Variants in EPB41L4A observed in about 807,000 individuals in gnomAD.
EPB41L4A encodes erythrocyte membrane protein band 4.1 like 4A, also known as band 4.1-like protein 4A.
In EPB41L4A, 100 loss-of-function variants were observed where a neutral mutation model predicts 108.6. The observed-to-expected ratio is 0.92, with a 90% CI of 0.78 to 1.09. The LOEUF is 1.09. Ranked by LOEUF, EPB41L4A falls within the 50% of genes least tolerant of loss-of-function variation. The probability of loss-of-function intolerance (pLI) is 0.00; values close to 1 mark genes in which losing one functional copy is unlikely to be tolerated. For synonymous variants in EPB41L4A, 319 were observed against 289.0 expected, an observed-to-expected ratio of 1.10 and a Z score of -1.05; for missense variants, 1,030 against 842.7, an observed-to-expected ratio of 1.22 and a Z score of -2.75.
intron 2 of EPB41L4A, among the ~76,000 whole-genome samples, chr5:112,292,409 A>G (rs138788059): frequency 1.3e-5 from 2 of 152,314 alleles, no homozygotes; most frequent in African/African-American, 4.8e-5. Context: ...GCTCCTACAG[A>G]TCATCAGCTT....
At chr5:112,148,612 A>G (rs953913794) in intron 12 of EPB41L4A, among the ~76,000 whole-genome samples, 2 of 152,128 alleles carry the variant, frequency 1.3e-5, no homozygotes, top group Non-Finnish European at 2.9e-5. Context: ...CTGTTACTTC[A>G]TCATTCATTG....
chr5:112,264,083 G>A (rs1035699142), intron 6 of EPB41L4A: 1 of 152,250 alleles, frequency 6.6e-6, no homozygotes, highest in Non-Finnish European at 1.5e-5. Context: ...AAAGTGCTGG[G>A]ATTGCAGGCG....
At chr5:112,162,080 A>T (rs1759943025), downstream of EPB41L4A, 1 of 152,266 alleles carries the variant, frequency 6.6e-6, no homozygotes, top group African/African-American at 2.4e-5. Context: ...CAGGCATATT[A>T]CCAAGTTCTT....
At chr5:112,413,990 G>T (rs1303561796) in intron 1 of EPB41L4A, among the ~76,000 whole-genome samples, 2 of 152,152 alleles carry the variant, frequency 1.3e-5, no homozygotes, top group Non-Finnish European at 2.9e-5. Flanking sequence ...TCATGTGCAA[G>T]ACAGCATGAA....
chr5:112,337,375 A>G (rs1756988017), intron 1 of EPB41L4A, among the ~76,000 whole-genome samples: 1 of 152,234 alleles, frequency 6.6e-6, no homozygotes, highest in African/African-American at 2.4e-5. Flanking sequence ...GGTATCTACC[A>G]TATATCAACC....
At chr5:112,305,864 G>T (rs1754650204) in intron 2 of EPB41L4A, among the ~76,000 whole-genome samples, 1 of 152,006 alleles carries the variant, frequency 6.6e-6, no homozygotes, top group African/African-American at 2.4e-5. Context: ...CCTAAAACCT[G>T]TATTATAAAC....
At chr5:112,287,017 G>A (rs1438099380) in intron 2 of EPB41L4A, among the ~76,000 whole-genome samples, 2 of 152,064 alleles carry the variant, frequency 1.3e-5, no homozygotes, top group East Asian at 1.9e-4. Context: ...TTCTCCTCCC[G>A]TCTCACTGGC....
chr5:112,141,982 A>G (rs533797381), downstream of EPB41L4A, among the ~76,000 whole-genome samples: 4 of 152,320 alleles, frequency 2.6e-5, no homozygotes, highest in African/African-American at 9.6e-5. Flanking sequence ...CAGACTTCCA[A>G]GTGAGACATG....
chr5:112,147,750 C>T (rs982058172), intron 12 of EPB41L4A, among the ~76,000 whole-genome samples: 3 of 151,730 alleles, frequency 2.0e-5, no homozygotes, highest in Non-Finnish European at 4.4e-5. Context: ...AAAGACAAGG[C>T]CTTTCCAAAT....
At chr5:112,395,164 C>T (rs185920211) in intron 1 of EPB41L4A, among the ~76,000 whole-genome samples, 28 of 152,272 alleles carry the variant, frequency 1.8e-4, no homozygotes, top group Admixed American at 7.8e-4. Flanking sequence ...CTAGGCAATA[C>T]CATTCAGGAC....
At chr5:112,186,080 A>C (rs1761413678) in intron 17 of EPB41L4A, among the ~76,000 whole-genome samples, 1 of 152,178 alleles carries the variant, frequency 6.6e-6, no homozygotes, top group South Asian at 2.1e-4. Flanking sequence ...AGGATTGGAC[A>C]CAAAACTCAG....
rs192579799 is a variant in EPB41L4A at position 112,382,722 on chromosome 5, G to A, written c.99+36219C>T. 3.4e-4 allele frequency among the ~76,000 whole-genome samples: 52 copies of A among 152,252 alleles called. 1 individual carries two copies. The highest frequency in any genetic ancestry group is 2.9e-5 in the Non-Finnish European group (2 of 68,016). ...AGTCCCAGTAACAGGACTGCAGAAG[G>A]GGAATTAGGGAGCAGCTAAAAGATA... On this transcript the variant is annotated intron_variant, in intron 1 of 22. Transcript: ENST00000261486.
upstream of EPB41L4A, chr5:112,419,626 A>C: frequency 2.2e-6 from 1 of 455,742 alleles, no homozygotes. Context: ...CTTTTGTGTG[A>C]GGAGCACCCA....
intron 14 of EPB41L4A, 30 bp from the exon 15 acceptor site, chr5:112,204,518 G>T: frequency 6.9e-7 from 1 of 1,451,650 alleles, no homozygotes; most frequent in Non-Finnish European, 9.7e-7. Context: ...GTCAAAAAGA[G>T]CCCAGAGAGT....
intron 2 of EPB41L4A, among the ~76,000 whole-genome samples, chr5:112,302,303 T>G (rs1255486357): frequency 6.6e-6 from 1 of 152,072 alleles, no homozygotes; most frequent in Admixed American, 6.6e-5. Context: ...CTCAGGAGTT[T>G]GAAACCAGCC....
At chr5:112,360,893 C>G (rs1475904562) in intron 1 of EPB41L4A, among the ~76,000 whole-genome samples, 2 of 152,044 alleles carry the variant, frequency 1.3e-5, no homozygotes, top group African/African-American at 4.8e-5. Context: ...TCGACCCAGT[C>G]TGGGAAATGA....
At chr5:112,156,518 C>A (rs1002000452) in intron 12 of EPB41L4A, among the ~76,000 whole-genome samples, 1 of 152,054 alleles carries the variant, frequency 6.6e-6, no homozygotes, top group African/African-American at 2.4e-5. Context: ...CTATTGAGGC[C>A]CTCAAAGGAT....
intron 3 of EPB41L4A, among the ~76,000 whole-genome samples, chr5:112,276,513 G>C (rs1164651520): frequency 6.6e-6 from 1 of 152,140 alleles, no homozygotes; most frequent in Non-Finnish European, 1.5e-5. Flanking sequence ...AAAAGGATTT[G>C]TTTTGTTACC....
At chr5:112,361,327 C>G (rs1176374083) in intron 1 of EPB41L4A, among the ~76,000 whole-genome samples, 12 of 152,006 alleles carry the variant, frequency 7.9e-5, no homozygotes, top group African/African-American at 2.7e-4. Context: ...GCAGCATGCT[C>G]GTTAAGAGTC....
Sources: allele counts gnomAD v4.1 joint callset (sites outside exome capture counted in the v4.1 genomes callset), GRCh38; gene constraint gnomAD v4.1.1; transcripts MANE v1.5; gene names NCBI Gene and HGNC (gene_info 2026-07-23, HGNC 2026-07-21).